The following SAMD12 variants were observed in gnomAD, a reference collection of about 807,000 sequenced individuals.
The protein encoded by SAMD12 is sterile alpha motif domain-containing protein 12.
In SAMD12, 9 loss-of-function variants were observed where a neutral mutation model predicts 15.0. The ratio of observed to expected loss-of-function variants is 0.60; its 90% confidence interval spans 0.36 to 1.05. SAMD12 has a LOEUF of 1.05. Ranked by LOEUF, SAMD12 falls within the 50% of genes least tolerant of loss-of-function variation. The pLI, the probability that SAMD12 is intolerant of heterozygous loss-of-function variation, is 0.01. For missense variants in SAMD12, 230 were observed against 234.2 expected (o/e 0.98, Z 0.12); for synonymous variants, 86 against 90.1 (o/e 0.96, Z 0.25).
chr8:118,193,504 T>C (rs1400247590), exon 5 of SAMD12: 1 of 152,208 alleles, frequency 6.6e-6, no homozygotes, highest in Non-Finnish European at 1.5e-5. Context: ...GAGTCCTTAG[T>C]GGTGCCTGGA....
chr8:118,451,545 A>T (rs571619324), intron 2 of SAMD12, among the ~76,000 whole-genome samples: 6 of 152,198 alleles, frequency 3.9e-5, no homozygotes, highest in African/African-American at 1.4e-4. Context: ...AGTGTTGTGA[A>T]GATCAAATCA....
intron 4 of SAMD12, among the ~76,000 whole-genome samples, chr8:118,320,290 G>A (rs979731749): frequency 1.3e-5 from 2 of 152,092 alleles, no homozygotes; most frequent in Non-Finnish European, 2.9e-5. Flanking sequence ...ACAGAGTACA[G>A]GAAATTCACA....
At chr8:118,478,423 C>A (rs1824026853) in intron 2 of SAMD12, among the ~76,000 whole-genome samples, 1 of 152,262 alleles carries the variant, frequency 6.6e-6, no homozygotes, top group East Asian at 1.9e-4. Flanking sequence ...GTGTGGAGAG[C>A]CATCTCATTT....
chr8:118,169,536 T>G, the SAMD12 span, among the ~76,000 whole-genome samples: 5 of 152,208 alleles, frequency 3.3e-5, no homozygotes, highest in Non-Finnish European at 5.9e-5. Context: ...TAAGTCAGTA[T>G]GAAAATAAGA....
At chr8:118,605,391 A>G (rs1827960604) in intron 1 of SAMD12, among the ~76,000 whole-genome samples, 1 of 152,248 alleles carries the variant, frequency 6.6e-6, no homozygotes, top group East Asian at 1.9e-4. Flanking sequence ...TTGCTAGAAT[A>G]GCTTATGTTA....
At chr8:118,368,280 AG>A (rs1478344933) in intron 4 of SAMD12, among the ~76,000 whole-genome samples, 7 of 152,218 alleles carry the variant, frequency 4.6e-5, no homozygotes, top group Non-Finnish European at 7.3e-5. Context: ...TAATCAAATA[AG>A]GTTGAATGAA....
chr8:118,470,979 C>T (rs753696870), intron 2 of SAMD12, among the ~76,000 whole-genome samples: 1 of 152,094 alleles, frequency 6.6e-6, no homozygotes, highest in African/African-American at 2.4e-5. Context: ...CACAATGTTG[C>T]CTGATTTTGA....
intron 2 of SAMD12, among the ~76,000 whole-genome samples, chr8:118,476,669 C>T (rs1823968738): frequency 6.6e-6 from 1 of 152,126 alleles, no homozygotes; most frequent in African/African-American, 2.4e-5. Flanking sequence ...GTATTGCTAC[C>T]ATCTCAATTC....
intron 2 of SAMD12, among the ~76,000 whole-genome samples, chr8:118,573,298 C>T (rs1827068350): frequency 6.6e-6 from 1 of 152,134 alleles, no homozygotes. Context: ...GTTGGCCATG[C>T]TGGTCTCGAA....
chr8:118,279,567 G>C (rs1463684149), intron 4 of SAMD12, among the ~76,000 whole-genome samples: 1 of 152,174 alleles, frequency 6.6e-6, no homozygotes, highest in Non-Finnish European at 1.5e-5. Context: ...ACTCATTTCT[G>C]GCCCACATTT....
At chr8:118,436,140 C>T (rs1250410744) in intron 3 of SAMD12, among the ~76,000 whole-genome samples, 1 of 112,486 alleles carries the variant, frequency 8.9e-6, no homozygotes, top group African/African-American at 2.7e-5. Context: ...CATGCAAGCA[C>T]AATTTTTTCC....
At chr8:118,309,151 C>G (rs182981794) in intron 4 of SAMD12, among the ~76,000 whole-genome samples, 2 of 152,126 alleles carry the variant, frequency 1.3e-5, no homozygotes, top group Non-Finnish European at 2.9e-5. Flanking sequence ...TCTTTCCACC[C>G]TTTCTCCTGA....
intron 3 of SAMD12, among the ~76,000 whole-genome samples, chr8:118,424,412 C>T (rs1195042775): frequency 6.6e-6 from 1 of 151,984 alleles, no homozygotes; most frequent in Non-Finnish European, 1.5e-5. Flanking sequence ...GAAACTGAGG[C>T]TCAGTGAGGT....
intron 2 of SAMD12, among the ~76,000 whole-genome samples, chr8:118,486,715 T>G (rs1406550269): frequency 7.7e-6 from 1 of 129,222 alleles, no homozygotes; most frequent in African/African-American, 2.5e-5. Flanking sequence ...GGTAATTTGC[T>G]AAATAACGTA....
chr8:118,577,663 A>G (rs1459389388), intron 2 of SAMD12, among the ~76,000 whole-genome samples: 1 of 152,186 alleles, frequency 6.6e-6, no homozygotes, highest in African/African-American at 2.4e-5. Context: ...TGTCAAATCG[A>G]AACATTAGTG....
chr8:118,532,403 T>TA (rs1825713932), intron 2 of SAMD12, among the ~76,000 whole-genome samples: 1 of 152,002 alleles, frequency 6.6e-6, no homozygotes, highest in African/African-American at 2.4e-5. Context: ...ATTCTCTTTT[T>TA]TTTGTTGTGT....
chr8:118,369,517 A>G (rs1295228929), intron 4 of SAMD12, among the ~76,000 whole-genome samples: 1 of 152,098 alleles, frequency 6.6e-6, no homozygotes, highest in Non-Finnish European at 1.5e-5. Context: ...GGAGTTTGAG[A>G]CCAGCCTGGC....
intron 4 of SAMD12, among the ~76,000 whole-genome samples, chr8:118,334,812 G>A (rs571989978): frequency 6.6e-6 from 1 of 152,208 alleles, no homozygotes; most frequent in Admixed American, 6.5e-5. Flanking sequence ...GCCCAGGTTG[G>A]TCTCGAACTG....
chr8:118,197,137 CAT>C (rs1819588240), exon 5 of SAMD12: 1 of 152,264 alleles, frequency 6.6e-6, no homozygotes, highest in Admixed American at 6.5e-5. Context: ...TGATTTCTCA[CAT>C]GTGCTGAATG....
Sources: allele counts gnomAD v4.1 joint callset (sites outside exome capture counted in the v4.1 genomes callset), GRCh38; gene constraint gnomAD v4.1.1; transcripts MANE v1.5; gene names NCBI Gene and HGNC (gene_info 2026-07-23, HGNC 2026-07-21).